Variants in MECOM observed in about 807,000 individuals in gnomAD.
MECOM encodes the protein MDS1 and EVI1 complex locus.
Under a neutral mutation model 116.3 loss-of-function variants are expected in MECOM, and 13 were observed. The ratio of observed to expected loss-of-function variants is 0.11; its 90% CI spans 0.07 to 0.18. MECOM has a LOEUF of 0.18. MECOM is among the 10% of genes least tolerant of loss of function. The pLI is 1.00. For synonymous variants in MECOM, 528 were observed against 535.2 expected, an observed-to-expected ratio of 0.99 and a Z score of 0.19; for missense variants, 1,299 against 1,509.0, an observed-to-expected ratio of 0.86 and a Z score of 2.31.
At chr3:169,203,759 G>T (rs866328670) in intron 2 of MECOM, among the ~76,000 whole-genome samples, 35 of 152,104 alleles carry the variant, frequency 2.3e-4, no homozygotes, top group African/African-American at 8.2e-4. Context: ...GAAATGGAAC[G>T]GCTTCAGTTG....
chr3:169,572,620 A>G (rs895821258), intron 1 of MECOM, among the ~76,000 whole-genome samples: 1 of 152,242 alleles, frequency 6.6e-6, no homozygotes, highest in African/African-American at 2.4e-5. Context: ...GACTGGTTAA[A>G]GAAAATGTGG....
intron 1 of MECOM, among the ~76,000 whole-genome samples, chr3:169,476,307 C>A (rs1361501786): frequency 6.6e-6 from 1 of 152,106 alleles, no homozygotes; most frequent in Admixed American, 6.5e-5. Context: ...ATTTATTGAG[C>A]CCTGAAGATG....
chr3:169,288,218 C>G, intron 2 of MECOM, among the ~76,000 whole-genome samples: 1 of 138,612 alleles, frequency 7.2e-6, no homozygotes, highest in Non-Finnish European at 1.5e-5. Context: ...AGGAAAGAGG[C>G]AAGTTTTAGT....
chr3:169,304,063 C>T (rs531949067), intron 2 of MECOM, among the ~76,000 whole-genome samples: 40 of 152,342 alleles, frequency 2.6e-4, no homozygotes, highest in Non-Finnish European at 4.3e-4. Flanking sequence ...AATTTCATCA[C>T]CCCTCATGCA....
chr3:169,118,599 C>T (rs1729938717), intron 7 of MECOM, among the ~76,000 whole-genome samples: 1 of 151,766 alleles, frequency 6.6e-6, no homozygotes, highest in African/African-American at 2.4e-5. Context: ...AAAGCAACAC[C>T]TCTTAAAAGG....
At chr3:169,460,919 T>C (rs1747336992) in intron 1 of MECOM, among the ~76,000 whole-genome samples, 1 of 152,172 alleles carries the variant, frequency 6.6e-6, no homozygotes, top group South Asian at 2.1e-4. Flanking sequence ...GGAGATCATG[T>C]TCCAGATTCA....
At chr3:169,624,238 C>T (rs1036990792) in intron 1 of MECOM, among the ~76,000 whole-genome samples, 3 of 152,174 alleles carry the variant, frequency 2.0e-5, no homozygotes, top group Non-Finnish European at 4.4e-5. Context: ...TTCTGCCTGG[C>T]TTGAATAAAA....
intron 1 of MECOM, among the ~76,000 whole-genome samples, chr3:169,460,500 A>G (rs998450157): frequency 3.3e-5 from 5 of 152,222 alleles, no homozygotes; most frequent in African/African-American, 1.2e-4. Context: ...GAAAGATTAG[A>G]TGGCATGGAC....
At chr3:169,499,551 C>A (rs542069145) in intron 1 of MECOM, among the ~76,000 whole-genome samples, 1 of 151,538 alleles carries the variant, frequency 6.6e-6, no homozygotes, top group South Asian at 2.1e-4. Context: ...CTTATAAGAC[C>A]TAAAAAAGCT....
chr3:169,466,759 ACAGT>A (rs1286095339), intron 1 of MECOM, among the ~76,000 whole-genome samples: 4 of 152,148 alleles, frequency 2.6e-5, no homozygotes, highest in Non-Finnish European at 5.9e-5. Context: ...GTAATAGGAA[ACAGT>A]CAGAAAATAG....
chr3:169,428,981 A>G lies in MECOM; in HGVS notation c.38-47457T>C, dbSNP rs185504974. Among the ~76,000 whole-genome samples the G allele has an allele frequency of 3.3e-5, 5 of 149,908 alleles. No homozygotes were observed. The East Asian group carries it at 8.2e-4, about 25-fold the overall frequency. On this transcript the variant is annotated intron_variant, in intron 1 of 16. Transcript: ENST00000651503. ...AAGGAGCCAGACACTTGGATACTAG[A>G]AAACAAAGCCAAAAATATATGAATG...
chr3:169,385,217 C>T (rs540187746), intron 1 of MECOM, among the ~76,000 whole-genome samples: 13 of 151,978 alleles, frequency 8.6e-5, no homozygotes, highest in East Asian at 1.9e-4. Context: ...ATAATCTAAG[C>T]GAGTGCATTT....
chr3:169,307,190 C>G (rs1197537486), intron 2 of MECOM, among the ~76,000 whole-genome samples: 1 of 152,172 alleles, frequency 6.6e-6, no homozygotes, highest in Non-Finnish European at 1.5e-5. Flanking sequence ...CTTTCTTTCT[C>G]CCTCCAAATA....
intron 1 of MECOM, among the ~76,000 whole-genome samples, chr3:169,423,770 C>T (rs113306215): frequency 0.011 from 1,696 of 152,238 alleles, 32 homozygotes; most frequent in African/African-American, 0.039. Context: ...TCACTAGAAG[C>T]TTCCAAGCAA....
chr3:169,639,131 T>G (rs975401270), intron 1 of MECOM, among the ~76,000 whole-genome samples: 2 of 152,086 alleles, frequency 1.3e-5, no homozygotes, highest in African/African-American at 4.8e-5. Flanking sequence ...AAAAAATAAA[T>G]GTTTACTTAA....
intron 2 of MECOM, among the ~76,000 whole-genome samples, chr3:169,366,642 G>A (rs1210186009): frequency 1.3e-5 from 2 of 151,974 alleles, no homozygotes; most frequent in African/African-American, 4.8e-5. Context: ...GTGCCAGGGT[G>A]GAGATTCTAT....
chr3:169,610,944 C>T (rs1023971289), intron 1 of MECOM, among the ~76,000 whole-genome samples: 1 of 152,198 alleles, frequency 6.6e-6, no homozygotes, highest in African/African-American at 2.4e-5. Flanking sequence ...GGATGGGACT[C>T]TAAACTCAGG....
chr3:169,209,978 A>G (rs1274419641), intron 2 of MECOM, among the ~76,000 whole-genome samples: 8 of 152,220 alleles, frequency 5.3e-5, no homozygotes, highest in African/African-American at 1.9e-4. Flanking sequence ...GATAGACACA[A>G]TAAAGAAAAT....
rs146362615 is a variant in MECOM at position 169,439,939 on chromosome 3, C to A, written c.38-58415G>T. 1.6e-4 allele frequency among the ~76,000 whole-genome samples: 25 copies of A among 152,196 alleles called. 1 individual carries two copies. Among genetic ancestry groups the A allele is most frequent in the African/African-American group, 5.8e-4 (24 of 41,528 alleles). On this transcript the variant is annotated intron_variant, in intron 1 of 16. Transcript: ENST00000651503. ...AAAAGCAAGACCCAGGAAAAAATTT[C>A]TAACTCAAAAACAAGCAAAGCCAAA... is the stretch of plus-strand genomic sequence containing the variant.
Sources: gnomAD v4.1 joint callset for allele counts (sites outside exome capture counted in the v4.1 genomes callset) on GRCh38, gnomAD v4.1.1 for gene constraint, MANE v1.5 for transcripts, NCBI Gene and HGNC (gene_info 2026-07-23, HGNC 2026-07-21) for gene names.